Variants in RNF13 observed in about 807,000 individuals in gnomAD.
RNF13 encodes the protein ring finger protein 13.
A neutral mutation model predicts 37.7 loss-of-function variants in RNF13; 19 were observed. The observed-to-expected ratio is 0.50, with a 90% CI of 0.35 to 0.74. RNF13 has a LOEUF of 0.74. Ranked by LOEUF, RNF13 falls within the 30% of genes least tolerant of loss-of-function variation. The pLI is 0.01. For synonymous variants in RNF13, 144 were observed against 157.8 expected (o/e 0.91, Z 0.65); for missense variants, 375 against 453.0 (o/e 0.83, Z 1.56).
intron 2 of RNF13, chr3:149,851,386 G>A (rs1723105296): frequency 6.6e-6 from 1 of 152,234 alleles, no homozygotes; most frequent in African/African-American, 2.4e-5. Flanking sequence ...AAACTGTGGA[G>A]TTGCTTATCT....
chr3:149,832,089 T>A (rs1255029843), intron 1 of RNF13, among the ~76,000 whole-genome samples: 6 of 152,206 alleles, frequency 3.9e-5, no homozygotes, highest in Admixed American at 3.9e-4. Context: ...CTGATGCTTA[T>A]TGTAGTATAA....
At chr3:149,959,060 AAGGTTGTTACCCC>A (rs1722134751) in intron 8 of RNF13, among the ~76,000 whole-genome samples, 1 of 152,198 alleles carries the variant, frequency 6.6e-6, no homozygotes, top group Non-Finnish European at 1.5e-5. Flanking sequence ...TATGTCTTCC[AAGGTTGTTACCCC>A]GTGTGGGATA....
At chr3:149,877,170 G>A (rs1423088754) in intron 4 of RNF13, among the ~76,000 whole-genome samples, 1 of 152,086 alleles carries the variant, frequency 6.6e-6, no homozygotes, top group Non-Finnish European at 1.5e-5. Flanking sequence ...TAGTGCTAGT[G>A]CCTAATGCAT....
intron 8 of RNF13, among the ~76,000 whole-genome samples, chr3:149,956,732 T>G (rs1721904398): frequency 6.6e-6 from 1 of 152,202 alleles, no homozygotes; most frequent in African/African-American, 2.4e-5. Context: ...ATGAATCTGA[T>G]TTCTTCCACA....
In RNF13 at chr3:149,872,041, A is replaced by G. The variant is rs1712130287; in HGVS notation, c.208A>G (p.Asn70Asp). The G allele has an allele frequency of 6.3e-7, 1 of 1,588,412 alleles. No homozygotes were observed. ...AATTCTTTTTCAGGGTTTTTTGATT[A>G]ACTCAAAACCAGAGAATGCCTGTGA... ...PAEGLKGFLI[N>D]SKPENACEPI... The change falls in exon 4 of 10, where the codon AAC (asparagine) becomes GAC (aspartate). Residue 70 changes from asparagine to aspartate, a missense_variant. By Grantham distance (23) the Asn-to-Asp change is conservative. Coordinates refer to ENST00000392894, the MANE Select transcript of RNF13 (RefSeq NM_183381.3).
intron 3 of RNF13, among the ~76,000 whole-genome samples, chr3:149,860,270 A>AAAATATATAT (rs1302318768): frequency 6.7e-5 from 7 of 104,092 alleles, no homozygotes; most frequent in African/African-American, 2.1e-4. Context: ...AAAAAAAAAA[A>AAAATATATAT]ATATATATAT....
At chr3:149,903,929 A>G (rs1716113562) in intron 6 of RNF13, among the ~76,000 whole-genome samples, 1 of 147,384 alleles carries the variant, frequency 6.8e-6, no homozygotes, top group Admixed American at 6.9e-5. Context: ...CTATCTATAT[A>G]TCTGTCTATC....
At chr3:149,827,364 G>A (rs1720606197) in intron 1 of RNF13, among the ~76,000 whole-genome samples, 1 of 152,014 alleles carries the variant, frequency 6.6e-6, no homozygotes, top group Non-Finnish European at 1.5e-5. Flanking sequence ...GGCAGTCCTG[G>A]CACCAGTCTC....
chr3:149,884,728 G>A (rs1425147256), intron 4 of RNF13, among the ~76,000 whole-genome samples: 1 of 151,904 alleles, frequency 6.6e-6, no homozygotes, highest in African/African-American at 2.4e-5. Flanking sequence ...CTATGACCTC[G>A]AGCATTTATC....
intron 8 of RNF13, among the ~76,000 whole-genome samples, chr3:149,940,488 T>A (rs1200443495): frequency 2.6e-5 from 4 of 152,172 alleles, no homozygotes; most frequent in Non-Finnish European, 4.4e-5. Context: ...TAGAAGTTTT[T>A]ATTTTACTTT....
At chr3:149,952,123 A>G (rs771667437) in intron 8 of RNF13, among the ~76,000 whole-genome samples, 1 of 152,246 alleles carries the variant, frequency 6.6e-6, no homozygotes, top group Non-Finnish European at 1.5e-5. Flanking sequence ...TACTAGCAGT[A>G]TATAATACTC....
At chr3:149,902,456 CA>C (rs1715945457) in intron 6 of RNF13, among the ~76,000 whole-genome samples, 1 of 151,880 alleles carries the variant, frequency 6.6e-6, no homozygotes, top group Non-Finnish European at 1.5e-5. Flanking sequence ...TAAAACAATG[CA>C]ATTTATGTTT....
chr3:149,869,956 T>C (rs1711822038), intron 3 of RNF13, among the ~76,000 whole-genome samples: 1 of 151,768 alleles, frequency 6.6e-6, no homozygotes, highest in Non-Finnish European at 1.5e-5. Flanking sequence ...GTGGGAAGGC[T>C]GACTGTGGAG....
rs764469037 is a variant in RNF13, at chr3:149,907,468, A to G, written c.501-4510A>G. ...TTTAACTACTTTTAAAAAGGATGGTATATTCTGGATTTAACAATAGTCCAT... is the reference window on the plus strand; with the variant it reads ...TTTAACTACTTTTAAAAAGGATGGTGTATTCTGGATTTAACAATAGTCCAT... On this transcript the variant is annotated intron_variant, in intron 6 of 9. Transcript: ENST00000392894. 5.5e-4 allele frequency among the ~76,000 whole-genome samples: 83 copies of G among 152,206 alleles called. 1 individual carries two copies. The highest frequency in any genetic ancestry group is 9.8e-4 in the Non-Finnish European group (67 of 68,032).
chr3:149,828,446 G>C (rs2075107806), intron 1 of RNF13, among the ~76,000 whole-genome samples: 1 of 152,128 alleles, frequency 6.6e-6, no homozygotes, highest in African/African-American at 2.4e-5. Context: ...CAAGTACACT[G>C]TGCATGATAT....
At chr3:149,954,320 A>T (rs183546647) in intron 8 of RNF13, among the ~76,000 whole-genome samples, 26 of 152,298 alleles carry the variant, frequency 1.7e-4, no homozygotes, top group Non-Finnish European at 3.4e-4. Context: ...CATGGAAGCC[A>T]TGGAAGTCTT....
chr3:149,926,879 G>GT (rs1211812793), intron 8 of RNF13, among the ~76,000 whole-genome samples: 3 of 150,978 alleles, frequency 2.0e-5, no homozygotes, highest in Non-Finnish European at 4.4e-5. Context: ...TTCCCACTTT[G>GT]TTTTTTTTCA....
intron 1 of RNF13, among the ~76,000 whole-genome samples, chr3:149,819,952 T>C (rs939667268): frequency 6.6e-6 from 1 of 152,162 alleles, no homozygotes; most frequent in African/African-American, 2.4e-5. Context: ...CTGAGGAACA[T>C]TGTCAATTTT....
intron 8 of RNF13, among the ~76,000 whole-genome samples, chr3:149,937,504 A>G (rs1026480349): frequency 1.3e-5 from 2 of 152,152 alleles, no homozygotes; most frequent in African/African-American, 4.8e-5. Flanking sequence ...GATGGTGATA[A>G]TGTTGTCACT....
Sources: gnomAD v4.1 joint callset for allele counts (sites outside exome capture counted in the v4.1 genomes callset) on GRCh38, gnomAD v4.1.1 for gene constraint, MANE v1.5 for transcripts, NCBI Gene and HGNC (gene_info 2026-07-23, HGNC 2026-07-21) for gene names.